The following SYPL1 variants were observed in gnomAD, a reference collection of about 807,000 sequenced individuals.
The protein encoded by SYPL1 is synaptophysin like 1.
In SYPL1, 6 loss-of-function variants were observed where a neutral mutation model predicts 23.7. That is an observed-to-expected ratio of 0.25 (90% CI 0.14 to 0.50). SYPL1 has a LOEUF of 0.50. SYPL1 is among the 20% of genes least tolerant of loss of function. The probability of loss-of-function intolerance (pLI) is 0.98; values close to 1 mark genes in which losing one functional copy is unlikely to be tolerated. For synonymous variants in SYPL1, 102 were observed against 104.5 expected (o/e 0.98, Z 0.15); for missense variants, 253 against 288.9 (o/e 0.88, Z 0.90).
At position 106,091,267 on chromosome 7, in the gene SYPL1, A is replaced by AAAT. The variant is rs1199686581; in HGVS notation, c.*535_*537dup. ...ACGGGTCATTTAGAAAAACAGAAAA[A>AAAT]AATATACACCTAGTCTTTGCAATTA... On this transcript the variant is annotated 3_prime_UTR_variant, in exon 5 of 5. Coordinates refer to ENST00000455385, the MANE Select transcript of SYPL1 (RefSeq NM_182715.4). This position sits in a 1 kb window ranked among gnomAD's most constrained non-coding sequence, Gnocchi z 5.0. 1 of 152,316 alleles carries AAAT rather than the reference A, an allele frequency of 6.6e-6. No individual in the cohort carries two copies. The highest frequency in any genetic ancestry group is 1.5e-5 in the Non-Finnish European group (1 of 68,026). The allele number at this position is 152,316 out of a possible 1,614,324, so 9.4% of individuals were successfully genotyped here.
intron 1 of SYPL1, among the ~76,000 whole-genome samples, chr7:106,110,405 T>G (rs1055046982): frequency 6.6e-6 from 1 of 152,234 alleles, no homozygotes; most frequent in Non-Finnish European, 1.5e-5. Context: ...GCTCTCTCCC[T>G]CATTTCTTCT....
chr7:106,093,903 A>G (rs1297209779), intron 3 of SYPL1, among the ~76,000 whole-genome samples: 1 of 152,194 alleles, frequency 6.6e-6, no homozygotes, highest in African/African-American at 2.4e-5. Context: ...TCTGTACTAA[A>G]TCCTTTGCTA....
rs912952761 is a variant in SYPL1, at chr7:106,100,847, A to C, written c.70-1565T>G. On this transcript the variant is annotated intron_variant, in intron 1 of 4. Transcript: ENST00000455385. The surrounding 1 kb of genome is among the most constrained non-coding windows in gnomAD (Gnocchi z 5.1). Reference sequence around the variant, plus strand: ...CCCTCCAATGGCTTTTGAGCTCTCTATGAATAAAAACCAAAGTTCATATAA... The same window carrying C: ...CCCTCCAATGGCTTTTGAGCTCTCTCTGAATAAAAACCAAAGTTCATATAA... Among the ~76,000 whole-genome samples the C allele has an allele frequency of 6.6e-6, 1 of 152,156 alleles. No homozygotes were observed. The highest frequency in any genetic ancestry group is 1.5e-5 in the Non-Finnish European group (1 of 68,020).
chr7:106,099,650 T>G (rs530960925), intron 1 of SYPL1, among the ~76,000 whole-genome samples: 11 of 152,218 alleles, frequency 7.2e-5, no homozygotes, highest in Non-Finnish European at 1.6e-4. Context: ...CATCTTGGCC[T>G]CCCAAAATGC....
At chr7:106,103,377 C>T (rs1160022636) in intron 1 of SYPL1, among the ~76,000 whole-genome samples, 1 of 152,146 alleles carries the variant, frequency 6.6e-6, no homozygotes, top group African/African-American at 2.4e-5. Flanking sequence ...ATTACACCTG[C>T]CACTATTTTT....
At chr7:106,092,688 AAAAG>A (rs1479129819) in intron 4 of SYPL1, 6 of 510,708 alleles carry the variant, frequency 1.2e-5, no homozygotes, top group South Asian at 1.7e-5. Context: ...AAAAAAAAAA[AAAAG>A]AAATTAATCT....
At chr7:106,110,728 T>C (rs1790100874) in intron 1 of SYPL1, among the ~76,000 whole-genome samples, 1 of 151,600 alleles carries the variant, frequency 6.6e-6, no homozygotes, top group South Asian at 2.1e-4. Flanking sequence ...GCTTGAAATA[T>C]TAAGGAAAAA....
At chr7:106,093,620 C>T (rs1174403530) in intron 3 of SYPL1, among the ~76,000 whole-genome samples, 1 of 71,772 alleles carries the variant, frequency 1.4e-5, no homozygotes, top group Non-Finnish European at 4.4e-5. Flanking sequence ...TGTATCACCA[C>T]TTCACTAATG....
chr7:106,102,786 T>C (rs750441273), intron 1 of SYPL1, among the ~76,000 whole-genome samples: 91 of 152,302 alleles, frequency 6.0e-4, no homozygotes, highest in Middle Eastern at 3.4e-3. Context: ...TAATTTGTTA[T>C]ACAGCAATAG....
chr7:106,102,601 T>C (rs929095713), intron 1 of SYPL1, among the ~76,000 whole-genome samples: 4 of 152,136 alleles, frequency 2.6e-5, no homozygotes, highest in Admixed American at 2.6e-4. Flanking sequence ...GCTGGAGGCC[T>C]TGAGATAACA....
Position 106,091,956 on chromosome 7 carries a change from G to C in SYPL1, c.592-17C>G. ...GCCAAATATCTATGAAAGAGAAAAA[G>C]AAATATGAAAATCAAATACCTACTT... On this transcript the variant is annotated splice_polypyrimidine_tract_variant and intron_variant, in intron 4 of 4. Transcript: ENST00000455385. This position sits in a 1 kb window ranked among gnomAD's most constrained non-coding sequence, Gnocchi z 5.0. 6.3e-7 allele frequency: 1 copy of C among 1,585,934 alleles called. No individual in the cohort carries two copies. Among genetic ancestry groups the C allele is most frequent in the Non-Finnish European group, 8.5e-7 (1 of 1,172,194 alleles).
rs755025403 is a variant in SYPL1, at chr7:106,097,807, A to C, written c.285T>G (p.Ser95=). The stretch of plus-strand genomic sequence containing the variant: ...CAAAGGTAACATAGAATTGTGCAGA[A>C]GAAGAGTAATCGCCTATGAGGACGT... ...KDYVLIGDYS[S]SAQFYVTFAV... Residue 95 remains serine, a synonymous_variant, in exon 3 of 5, where the codon TCT becomes TCG. Coordinates refer to ENST00000455385, the MANE Select transcript of SYPL1 (RefSeq NM_182715.4). This position sits in a 1 kb window ranked among gnomAD's most constrained non-coding sequence, Gnocchi z 4.6. 6.2e-7 allele frequency: 1 copy of C among 1,614,010 alleles called. No individual in the cohort carries two copies. The highest frequency in any genetic ancestry group is 2.2e-5 in the East Asian group (1 of 44,872).
chr7:106,091,895 C>T lies in SYPL1; in HGVS notation c.636G>A (p.Trp212Ter). Reference sequence around the variant, plus strand: ...GTAGGCTGGTCTCCTTGTACACAAACCAAGCATTTCCTCCCCAGAGTATCA... The same window carrying T: ...GTAGGCTGGTCTCCTTGTACACAAATCAAGCATTTCCTCCCCAGAGTATCA... ...LNMILWGGNA[W>*]FVYKETSLHS... Residue 212 changes from tryptophan to a stop codon, truncating the protein, a stop_gained, in exon 5 of 5, where the codon TGG becomes TGA. Coordinates refer to ENST00000455385, the MANE Select transcript of SYPL1 (RefSeq NM_182715.4). LOFTEE classifies it high-confidence loss of function. This position sits in a 1 kb window ranked among gnomAD's most constrained non-coding sequence, Gnocchi z 5.0. 6.2e-7 allele frequency: 1 copy of T among 1,613,452 alleles called. No individual in the cohort carries two copies. Among genetic ancestry groups the T allele is most frequent in the Non-Finnish European group, 8.5e-7 (1 of 1,179,736 alleles).
intron 1 of SYPL1, among the ~76,000 whole-genome samples, chr7:106,101,563 T>G (rs994360772): frequency 1.4e-5 from 2 of 146,970 alleles, no homozygotes; most frequent in African/African-American, 5.0e-5. Context: ...TAAGAGGTGA[T>G]CCCCAGTTTT....
Position 106,104,877 on chromosome 7 carries a change from C to A in SYPL1, c.70-5595G>T, listed in dbSNP as rs909941179. 6.6e-6 allele frequency among the ~76,000 whole-genome samples: 1 copy of A among 152,166 alleles called. No homozygotes were observed. Among genetic ancestry groups the A allele is most frequent in the African/African-American group, 2.4e-5 (1 of 41,418 alleles). ...TATACTGGCAGCCTGTTGGTAAAACCCGGCCTGCAAATATATTTGTGTGGC... is the reference window on the plus strand; with the variant it reads ...TATACTGGCAGCCTGTTGGTAAAACACGGCCTGCAAATATATTTGTGTGGC... On this transcript the variant is annotated intron_variant, in intron 1 of 4. Coordinates refer to ENST00000455385, the MANE Select transcript of SYPL1 (RefSeq NM_182715.4). This position sits in a 1 kb window ranked among gnomAD's most constrained non-coding sequence, Gnocchi z 4.1.
chr7:106,111,459 G>A (rs1200832983), intron 1 of SYPL1, among the ~76,000 whole-genome samples: 1 of 152,162 alleles, frequency 6.6e-6, no homozygotes, highest in Admixed American at 6.5e-5. Flanking sequence ...TCTCAGGAAA[G>A]GACTAAAAGC....
At position 106,112,290 on chromosome 7, in the gene SYPL1, G is replaced by A. The variant is rs1039522454; in HGVS notation, c.-82C>T. On this transcript the variant is annotated 5_prime_UTR_variant, in exon 1 of 5. Coordinates refer to ENST00000455385, the MANE Select transcript of SYPL1 (RefSeq NM_182715.4). ...CGAGACCAGAGCAGCCCGGTGGCGA[G>A]GAAGGGCAGGCGGGGCTGGCGCGCT... is the stretch of plus-strand genomic sequence containing the variant. The A allele has an allele frequency of 2.2e-6, 3 of 1,393,946 alleles. No homozygotes were observed. Among genetic ancestry groups the A allele is most frequent in the Admixed American group, 4.3e-5 (2 of 46,306 alleles). The allele number at this position is 1,393,946 out of a possible 1,614,324, so 86.3% of individuals were successfully genotyped here.
intron 1 of SYPL1, among the ~76,000 whole-genome samples, chr7:106,107,144 T>G (rs1840643490): frequency 6.6e-6 from 1 of 152,240 alleles, no homozygotes; most frequent in Admixed American, 6.5e-5. Context: ...AAATGTATGC[T>G]GGTTTTAAGT....
At chr7:106,105,591 G>A (rs1840550462) in intron 1 of SYPL1, among the ~76,000 whole-genome samples, 1 of 150,770 alleles carries the variant, frequency 6.6e-6, no homozygotes, top group African/African-American at 2.4e-5. Flanking sequence ...GTTTTCCAGA[G>A]CACTAGTCTC....
Sources: gnomAD v4.1 joint callset for allele counts (sites outside exome capture counted in the v4.1 genomes callset) on GRCh38, gnomAD v4.1.1 for gene constraint, Gnocchi (gnomAD v3.1) non-coding constraint, MANE v1.5 for transcripts, NCBI Gene and HGNC (gene_info 2026-07-23, HGNC 2026-07-21) for gene names.